Variants in CYP4F3 observed in about 807,000 individuals in gnomAD.
The protein encoded by CYP4F3 is cytochrome P450 4F3.
A neutral mutation model predicts 54.8 loss-of-function variants in CYP4F3; 50 were observed. That is an observed-to-expected ratio of 0.91 (90% CI 0.73 to 1.16). CYP4F3 has a LOEUF of 1.16. Ranked by LOEUF, CYP4F3 falls within the 50% of genes most tolerant of loss-of-function variation. The pLI, the probability that CYP4F3 is intolerant of heterozygous loss-of-function variation, is 0.00. For missense variants in CYP4F3, 715 were observed against 676.2 expected (o/e 1.06, Z -0.64); for synonymous variants, 244 against 262.6 (o/e 0.93, Z 0.69).
chr19:15,644,586 G>A (rs1362577728), intron 2 of CYP4F3, among the ~76,000 whole-genome samples: 1 of 116,310 alleles, frequency 8.6e-6, no homozygotes, highest in Non-Finnish European at 1.7e-5. Flanking sequence ...ACAAAGGTTA[G>A]AACAATGAGG....
intron 2 of CYP4F3, among the ~76,000 whole-genome samples, chr19:15,643,321 G>T (rs1180215868): frequency 7.0e-6 from 1 of 142,912 alleles, no homozygotes; most frequent in East Asian, 2.1e-4. Flanking sequence ...AGATTAGATA[G>T]ATAGATAGAT....
At position 15,658,930 on chromosome 19, in the gene CYP4F3, C is replaced by A. The variant is rs182741382; in HGVS notation, c.1397+121C>A. 1.5e-3 allele frequency: 2,066 copies of A among 1,385,794 alleles called. 1 individual carries two copies. Among genetic ancestry groups the A allele is most frequent in the Non-Finnish European group, 1.7e-3 (1,718 of 1,007,432 alleles). 85.8% of individuals were successfully genotyped at this position (1,385,794 alleles called of 1,614,324 possible). The stretch of plus-strand genomic sequence containing the variant: ...GTTCCAGCTCTCCTTCCCTCACCTC[C>A]TCTGGAGTTTATGGGAAAAGGCCCA... On this transcript the variant is annotated intron_variant, in intron 12 of 12. Transcript: ENST00000221307.
At position 15,659,313 on chromosome 19, in the gene CYP4F3, G is replaced by A. The variant is rs1568404911; in HGVS notation, c.1491G>A (p.Glu497=). The A allele has an allele frequency of 6.2e-7, 1 of 1,613,718 alleles. No individual in the cohort carries two copies. The highest frequency in any genetic ancestry group is 8.5e-7 in the Non-Finnish European group (1 of 1,179,902). ...TCCGCGTCCTGCCTGACCACACCGA[G>A]CCCCGCAGGAAGCCGGAGCTGGTCC... ...LRFRVLPDHT[E]PRRKPELVLR... The change falls in exon 13 of 13, where the codon GAG becomes GAA. Residue 497 remains glutamate, a synonymous_variant. Transcript: ENST00000221307.
chr19:15,652,890 G>C lies in CYP4F3; in HGVS notation c.1053G>C (p.Gln351His). The C allele has an allele frequency of 6.2e-7, 1 of 1,613,926 alleles. No individual in the cohort carries two copies. Residue 351 changes from glutamine to histidine, a missense_variant, in exon 9 of 13, where the codon CAG (glutamine) becomes CAC (histidine). Gln to His is a conservative substitution (Grantham distance 24). Coordinates refer to ENST00000221307, the MANE Select transcript of CYP4F3 (RefSeq NM_000896.3). ...LYHLAKHPEY[Q>H]ERCRQEVQEL... ...ACCTTGCAAAGCACCCGGAATACCA[G>C]GAGCGCTGTCGGCAGGAGGTGCAAG...
At chr19:15,655,539 A>G (rs1972989371) in intron 9 of CYP4F3, among the ~76,000 whole-genome samples, 1 of 152,242 alleles carries the variant, frequency 6.6e-6, no homozygotes, top group Non-Finnish European at 1.5e-5. Flanking sequence ...GAAGTTCCTT[A>G]TTAAGCTCCA....
At chr19:15,650,863 T>TC (rs1568398572) in intron 7 of CYP4F3, among the ~76,000 whole-genome samples, 2 of 90,804 alleles carry the variant, frequency 2.2e-5, no homozygotes, top group African/African-American at 8.9e-5. Flanking sequence ...TCTTTCTTTC[T>TC]TTCTTTTTCT....
Position 15,659,300 on chromosome 19 carries a change from C to T in CYP4F3, c.1478C>T (p.Pro493Leu), listed in dbSNP as rs1172614485. The change falls in exon 13 of 13, where the codon CCT (proline) becomes CTT (leucine). Residue 493 changes from proline (P) to leucine (L), a missense_variant. Physicochemically the swap from Pro to Leu is moderately conservative, Grantham distance 98. Transcript: ENST00000221307. ...GLTLLRFRVL[P>L]DHTEPRRKPE... The stretch of plus-strand genomic sequence containing the variant: ...ACGCTGCTGCGCTTCCGCGTCCTGC[C>T]TGACCACACCGAGCCCCGCAGGAAG... The T allele has an allele frequency of 5.6e-6, 9 of 1,613,732 alleles. No individual in the cohort carries two copies. The highest frequency in any genetic ancestry group is 7.6e-6 in the Non-Finnish European group (9 of 1,179,884).
At chr19:15,652,441 A>G (rs1470471807) in intron 7 of CYP4F3, 128 bp from the exon 8 acceptor site, 6 of 1,414,672 alleles carry the variant, frequency 4.2e-6, no homozygotes, top group Non-Finnish European at 4.9e-6. Flanking sequence ...CTAGGAGAGC[A>G]AGATGGGCTT....
At chr19:15,645,106 G>A (rs1048959014) in intron 2 of CYP4F3, among the ~76,000 whole-genome samples, 5 of 152,000 alleles carry the variant, frequency 3.3e-5, no homozygotes, top group East Asian at 1.9e-4. Context: ...CTTTTTCCAC[G>A]CCACTTTTGC....
intron 12 of CYP4F3, 30 bp downstream of exon 12, chr19:15,658,839 C>T: frequency 5.6e-6 from 9 of 1,611,896 alleles, no homozygotes; most frequent in Non-Finnish European, 7.6e-6. Context: ...GAGGCGGGGA[C>T]GGGGAGATAG....
intron 9 of CYP4F3, among the ~76,000 whole-genome samples, chr19:15,655,152 T>C (rs955092965): frequency 6.6e-6 from 1 of 152,344 alleles, no homozygotes; most frequent in South Asian, 2.1e-4. Context: ...CATCTACCTA[T>C]TGGCCATTTG....
chr19:15,652,139 A>T (rs1972874870), intron 7 of CYP4F3, among the ~76,000 whole-genome samples: 1 of 152,190 alleles, frequency 6.6e-6, no homozygotes, highest in African/African-American at 2.4e-5. Flanking sequence ...GCCATATTCC[A>T]TAGACTTACA....
At chr19:15,659,157 C>G in intron 12 of CYP4F3, 63 bp from the exon 13 acceptor site, 1 of 1,296,018 alleles carries the variant, frequency 7.7e-7, no homozygotes. Context: ...GCCAGGTTAC[C>G]GGCTTGATGG....
intron 6 of CYP4F3, 61 bp downstream of exon 6, chr19:15,649,342 G>C: frequency 6.2e-7 from 1 of 1,609,126 alleles, no homozygotes; most frequent in Admixed American, 1.7e-5. Context: ...TAGGTGGGGG[G>C]CTGGGGAGGA....
rs894429239 is a variant in CYP4F3 at position 15,652,731 on chromosome 19, C to G, written c.986-92C>G. The G allele has an allele frequency of 1.4e-5, 23 of 1,606,654 alleles. No homozygotes were observed. In the Admixed American group the frequency reaches 2.5e-4, roughly 18 times the overall value. On this transcript the variant is annotated intron_variant, in intron 8 of 12. Transcript: ENST00000221307. The stretch of plus-strand genomic sequence containing the variant: ...CCTCGCACTTCCCATCCCCCTTCCC[C>G]CATCCTCCCTGAGGTCCTCAATGCA...
At chr19:15,647,014 C>T in intron 3 of CYP4F3, 38 bp from the exon 4 acceptor site, 2 of 1,612,242 alleles carry the variant, frequency 1.2e-6, no homozygotes, top group Non-Finnish European at 1.7e-6. Context: ...CCTCCTTCAC[C>T]TGCCTCCATG....
At chr19:15,656,721 CATCTATTT>C (rs746172870) in intron 9 of CYP4F3, among the ~76,000 whole-genome samples, 1 of 98,900 alleles carries the variant, frequency 1.0e-5, no homozygotes, top group African/African-American at 3.8e-5. Flanking sequence ...CTATCTATAT[CATCTATTT>C]ATCTATCTAT....
At chr19:15,657,214 A>C (rs757966221) in intron 9 of CYP4F3, among the ~76,000 whole-genome samples, 2 of 152,270 alleles carry the variant, frequency 1.3e-5, no homozygotes, top group Non-Finnish European at 2.9e-5. Flanking sequence ...ACGTGTGCAC[A>C]GTGACCATTC....
chr19:15,649,370 A>C (rs1264898459), intron 6 of CYP4F3, 89 bp downstream of exon 6: 2 of 1,595,572 alleles, frequency 1.3e-6, no homozygotes, highest in Non-Finnish European at 1.7e-6. Flanking sequence ...GGGAAATCAG[A>C]CAAACCTTCT....
Sources: allele counts gnomAD v4.1 joint callset (sites outside exome capture counted in the v4.1 genomes callset), GRCh38; gene constraint gnomAD v4.1.1; transcripts MANE v1.5; gene names NCBI Gene and HGNC (gene_info 2026-07-23, HGNC 2026-07-21).